Variants in DCAKD observed in about 807,000 individuals in gnomAD.
DCAKD encodes dephospho-CoA kinase domain-containing protein.
DCAKD carries 15 observed loss-of-function variants against 18.7 expected under a neutral mutation model. That is an observed-to-expected ratio of 0.80 (90% CI 0.54 to 1.24). DCAKD has a LOEUF of 1.24. Among genes scored for constraint, DCAKD ranks in the 50% most tolerant of loss-of-function variants. The probability of loss-of-function intolerance (pLI) is 0.00; values close to 1 mark genes in which losing one functional copy is unlikely to be tolerated. For synonymous variants in DCAKD, 130 were observed against 133.0 expected, an observed-to-expected ratio of 0.98 and a Z score of 0.16; for missense variants, 301 against 322.0, an observed-to-expected ratio of 0.93 and a Z score of 0.50.
chr17:45,024,327 G>T lies in DCAKD; in HGVS notation c.*106C>A. 1 of 284,802 alleles carries T rather than the reference G, an allele frequency of 3.5e-6. No individual in the cohort carries two copies. Among genetic ancestry groups the T allele is most frequent in the Non-Finnish European group, 5.2e-6 (1 of 193,974 alleles). The allele number at this position is 284,802 out of a possible 1,614,324, so 17.6% of individuals were successfully genotyped here. ...TGTGTGTGTGTGTGTGTGTGTGTGT[G>T]TGTGTGTGTGTGGGGAGGGGGCTGA... On this transcript the variant is annotated 3_prime_UTR_variant, in exon 5 of 5. Transcript: ENST00000651974.
At chr17:45,036,282 C>T (rs1042898833) in intron 1 of DCAKD, among the ~76,000 whole-genome samples, 2 of 152,212 alleles carry the variant, frequency 1.3e-5, no homozygotes, top group Non-Finnish European at 2.9e-5. Flanking sequence ...TTTGGGAGGC[C>T]GAGGCAGGCA....
At chr17:45,032,340 C>A (rs961136579) in intron 3 of DCAKD, among the ~76,000 whole-genome samples, 1 of 150,152 alleles carries the variant, frequency 6.7e-6, no homozygotes, top group African/African-American at 2.5e-5. Context: ...AGCTCCAGCC[C>A]GGACGGGAGG....
At chr17:45,058,798 C>T (rs556783552) in intron 1 of DCAKD, among the ~76,000 whole-genome samples, 34 of 152,260 alleles carry the variant, frequency 2.2e-4, no homozygotes, top group African/African-American at 7.2e-4. Context: ...CGTTGAACAG[C>T]AGTCTTAGAC....
At chr17:45,058,456 G>T (rs1198950174) in intron 1 of DCAKD, among the ~76,000 whole-genome samples, 1 of 151,244 alleles carries the variant, frequency 6.6e-6, no homozygotes, top group Non-Finnish European at 1.5e-5. Flanking sequence ...GTCCCACTTT[G>T]TCACCCAGGC....
chr17:45,034,411 T>A (rs371564171), intron 2 of DCAKD, 21 bp from the exon 3 acceptor site: 2 of 1,612,828 alleles, frequency 1.2e-6, no homozygotes, highest in Non-Finnish European at 1.7e-6. Context: ...AGGAAGAAGC[T>A]GGGTCACTCC....
intron 3 of DCAKD, 151 bp downstream of exon 3, chr17:45,034,036 C>T (rs747958811): frequency 1.5e-5 from 24 of 1,596,786 alleles, no homozygotes; most frequent in Middle Eastern, 3.3e-4. Flanking sequence ...GGGGCTGGTA[C>T]GGGGCTCTGT....
intron 1 of DCAKD, among the ~76,000 whole-genome samples, chr17:45,039,998 CAGG>C (rs1400291767): frequency 5.3e-5 from 8 of 151,800 alleles, no homozygotes; most frequent in African/African-American, 1.9e-4. Context: ...AAGGCTGAGG[CAGG>C]AGAATTGCTT....
rs1355572449 is a variant in DCAKD at position 45,051,599 on chromosome 17, C to T, written c.-353G>A. 4 of 151,210 alleles carry T rather than the reference C, an allele frequency of 2.6e-5. No homozygotes were observed. The highest frequency in any genetic ancestry group is 4.9e-5 in the African/African-American group (2 of 41,222). The allele number at this position is 151,210 out of a possible 1,614,324, so 9.4% of individuals were successfully genotyped here. A position where few individuals can be genotyped will look rare whatever the true frequency, so the allele number is the denominator to read the frequency against. On this transcript the variant is annotated 5_prime_UTR_variant, in exon 1 of 5. Transcript: ENST00000651974. ...AGGCCTCCGCCTCTAGCCCAATCTC[C>T]GCAGCGCTTACAGGCCGGCTCAGCG...
chr17:45,030,586 T>TAGTTC (rs971687110), intron 3 of DCAKD, among the ~76,000 whole-genome samples: 1 of 152,238 alleles, frequency 6.6e-6, no homozygotes, highest in African/African-American at 2.4e-5. Context: ...ACTAAGGGTT[T>TAGTTC]AGTTCACCTT....
chr17:45,058,182 G>T lies in DCAKD; in HGVS notation c.-118+2706C>A, dbSNP rs186738375. 4.9e-4 allele frequency among the ~76,000 whole-genome samples: 75 copies of T among 151,954 alleles called. 1 individual carries two copies. Among genetic ancestry groups the T allele is most frequent in the African/African-American group, 1.8e-3 (73 of 41,436 alleles). The stretch of plus-strand genomic sequence containing the variant: ...GTACAAAAATTAGCCAGGCATGGGG[G>T]TGCGCACCTGTAGTCCCAGCTACCG... On this transcript the variant is annotated intron_variant, in intron 1 of 4. Coordinates refer to the DCAKD transcript ENST00000310604.
chr17:45,041,287 TCTTC>T (rs1405017959), intron 1 of DCAKD, among the ~76,000 whole-genome samples: 4 of 151,682 alleles, frequency 2.6e-5, no homozygotes, highest in Admixed American at 1.3e-4. Context: ...GTCACACTGA[TCTTC>T]CTTCTGTCCC....
upstream of DCAKD, among the ~76,000 whole-genome samples, chr17:45,054,473 C>T (rs2053759163): frequency 6.6e-6 from 1 of 152,120 alleles, no homozygotes; most frequent in Non-Finnish European, 1.5e-5. Context: ...GTCTCGAACT[C>T]CCAACCTCAG....
chr17:45,046,645 C>T (rs1236542385), intron 1 of DCAKD, among the ~76,000 whole-genome samples: 1 of 145,750 alleles, frequency 6.9e-6, no homozygotes, highest in African/African-American at 2.5e-5. Flanking sequence ...AAAAGCAGCT[C>T]TATGTTTGCC....
Position 45,034,236 on chromosome 17 carries a change from G to C in DCAKD, c.267C>G (p.Pro89=). The C allele has an allele frequency of 6.2e-7, 1 of 1,614,056 alleles. No individual in the cohort carries two copies. Among genetic ancestry groups the C allele is most frequent in the Non-Finnish European group, 8.5e-7 (1 of 1,180,012 alleles). The change falls in exon 3 of 5, where the codon CCC becomes CCG. Residue 89 remains proline (P), a synonymous_variant. Transcript: ENST00000651974. ...CCTTCATCATCTCCTTGCGAATCTCGGGGTGGGTGATGGCGTTGAGCAGCT... is the reference window on the plus strand; with the variant it reads ...CCTTCATCATCTCCTTGCGAATCTCCGGGTGGGTGATGGCGTTGAGCAGCT... ...RRQLLNAITH[P]EIRKEMMKET...
At chr17:45,039,985 C>T (rs1464360387) in intron 1 of DCAKD, among the ~76,000 whole-genome samples, 3 of 151,752 alleles carry the variant, frequency 2.0e-5, no homozygotes, top group Middle Eastern at 3.4e-3. Flanking sequence ...CCCACCTATT[C>T]GGAAGGCTGA....
chr17:45,061,111 C>T, upstream of DCAKD: 1 of 1,341,120 alleles, frequency 7.5e-7, no homozygotes, highest in Non-Finnish European at 9.6e-7. Context: ...TGGCCGAATG[C>T]CTAGGCTTCC....
rs1037228166 is a variant in DCAKD, at chr17:45,024,788, G to A, written c.405-64C>T. On this transcript the variant is annotated intron_variant, in intron 4 of 4. Transcript: ENST00000651974. ...CCTCTCACCCCAAGTTACAGGGATA[G>A]GCAGCCCTGCCAGGCCCAGCCTGAA... 53 of 1,499,714 alleles carry A rather than the reference G, an allele frequency of 3.5e-5. No individual in the cohort carries two copies. The Middle Eastern group carries it at 7.5e-4, about 21-fold the overall frequency. The allele number at this position is 1,499,714 out of a possible 1,614,324, so 92.9% of individuals were successfully genotyped here.
intron 1 of DCAKD, among the ~76,000 whole-genome samples, chr17:45,038,303 C>T (rs1045761381): frequency 6.6e-6 from 1 of 152,132 alleles, no homozygotes; most frequent in Non-Finnish European, 1.5e-5. Flanking sequence ...GGCTCAAACT[C>T]CTGACCTCAG....
intron 1 of DCAKD, among the ~76,000 whole-genome samples, chr17:45,036,223 T>G (rs115584594): frequency 0.045 from 6,801 of 152,230 alleles, 497 homozygotes; most frequent in African/African-American, 0.15. Flanking sequence ...TTTAGGATCA[T>G]AAGACTGCCT....
Sources: allele counts gnomAD v4.1 joint callset (sites outside exome capture counted in the v4.1 genomes callset), GRCh38; gene constraint gnomAD v4.1.1; transcripts MANE v1.5; gene names NCBI Gene and HGNC (gene_info 2026-07-23, HGNC 2026-07-21).